Variants in CSF1R observed in about 807,000 individuals in gnomAD.
CSF1R encodes the protein colony stimulating factor 1 receptor, also known as macrophage colony-stimulating factor 1 receptor.
Under a neutral mutation model 110.0 loss-of-function variants are expected in CSF1R, and 40 were observed. That is an observed-to-expected ratio of 0.36 (90% confidence interval 0.28 to 0.47). CSF1R has a LOEUF of 0.47. Among genes scored for constraint, CSF1R ranks in the 20% least tolerant of loss-of-function variants. The probability of loss-of-function intolerance (pLI) is 0.99; values close to 1 mark genes in which losing one functional copy is unlikely to be tolerated. For missense variants in CSF1R, 1,052 were observed against 1,253.0 expected (o/e 0.84, Z 2.42); for synonymous variants, 523 against 503.4 (o/e 1.04, Z -0.52).
At chr5:150,077,726 C>T (rs549915947) in intron 4 of CSF1R, among the ~76,000 whole-genome samples, 13 of 152,252 alleles carry the variant, frequency 8.5e-5, no homozygotes, top group African/African-American at 3.1e-4. Flanking sequence ...CCTCCCTCCT[C>T]CTCCCTCTCT....
Position 150,054,185 on chromosome 5 carries a change from T to C in CSF1R, c.2803A>G (p.Ser935Gly), listed in dbSNP as rs140118369. 2.4e-5 allele frequency: 39 copies of C among 1,612,098 alleles called. No individual in the cohort carries two copies. The highest frequency in any genetic ancestry group is 3.2e-5 in the Non-Finnish European group (38 of 1,178,856). ...TCCAGCTCACTGCTGCTGCTGCCGC[T>C]GCCACCGCTTCTGCTGCTGCTCGGC... The part of the protein sequence containing the change: ...NLPSSSRSGG[S>G]GSSSSELEEE... The change falls in exon 21 of 21, where the codon AGC becomes GGC. Residue 935 changes from serine to glycine, a missense_variant. Physicochemically the swap from Ser to Gly is moderately conservative, Grantham distance 56. Around this residue, in one of 5 missense-constraint regions of CSF1R, gnomAD observed 85 missense variants for 78.8 expected, o/e 1.08. Transcript: ENST00000675795.
intron 3 of CSF1R, 45 bp downstream of exon 3, chr5:150,080,007 T>TC (rs1758454223): frequency 6.3e-7 from 1 of 1,588,940 alleles, no homozygotes. Context: ...CGGCTCTCTG[T>TC]CCCCACTCTT....
At position 150,054,182 on chromosome 5, in the gene CSF1R, CGCTGCCACCGCTTCTGCTGCT is replaced by C. The variant is rs773685033; in HGVS notation, c.2785_2805del (p.Ser929_Ser935del). 298 of 1,612,278 alleles carry C rather than the reference CGCTGCCACCGCTTCTGCTGCT, an allele frequency of 1.8e-4. No homozygotes were observed. Among genetic ancestry groups the C allele is most frequent in the Non-Finnish European group, 2.4e-4 (279 of 1,179,302 alleles). Reference sequence around the variant, plus strand: ...TCCTCCAGCTCACTGCTGCTGCTGCCGCTGCCACCGCTTCTGCTGCTGCTCGGCAGATTGGTATAGTCCTGA... The same window carrying C: ...TCCTCCAGCTCACTGCTGCTGCTGCCGCTCGGCAGATTGGTATAGTCCTGA... On this transcript the variant is annotated inframe_deletion, in exon 21 of 21. Coordinates refer to ENST00000675795, the MANE Select transcript of CSF1R (RefSeq NM_001288705.3).
chr5:150,065,310 G>A (rs1720888584), intron 10 of CSF1R, among the ~76,000 whole-genome samples: 1 of 152,152 alleles, frequency 6.6e-6, no homozygotes, highest in South Asian at 2.1e-4. Context: ...GCTCCTCAGA[G>A]CTCAGTTCCA....
intron 1 of CSF1R, among the ~76,000 whole-genome samples, chr5:150,100,967 C>T (rs1759385782): frequency 1.3e-5 from 2 of 152,084 alleles, no homozygotes; most frequent in Admixed American, 1.3e-4. Flanking sequence ...TGGTTTGTCT[C>T]TCCCCTCTTT....
At position 150,075,021 on chromosome 5, in the gene CSF1R, T is replaced by C. The variant is rs931225463; in HGVS notation, c.890-1528A>G. Among the ~76,000 whole-genome samples the C allele has an allele frequency of 3.9e-5, 6 of 152,192 alleles. No individual in the cohort carries two copies. The East Asian group carries it at 1.2e-3, about 29-fold the overall frequency. Reference sequence around the variant, plus strand: ...AGATTCACCCCCATGAGGGAGTCTCTACTCAGTGCTCCAGGACACAGGAAC... The same window carrying C: ...AGATTCACCCCCATGAGGGAGTCTCCACTCAGTGCTCCAGGACACAGGAAC... On this transcript the variant is annotated intron_variant, in intron 5 of 20. Transcript: ENST00000675795.
rs373427460 is a variant in CSF1R, at chr5:150,057,527, G to A, written c.2198C>T (p.Ser733Leu). ...YVEMRPVSTS[S>L]NDSFSEQDLD... ...ACCTTGCTCAGAGAAGGAGTCATTT[G>A]AAGAAGTGGAGACAGGCCTCATCTC... is the stretch of plus-strand genomic sequence containing the variant. Residue 733 changes from serine (S) to leucine (L), a missense_variant, in exon 15 of 21, where the codon TCA (serine) becomes TTA (leucine). Ser to Leu is a moderately radical substitution (Grantham distance 145, BLOSUM62 -2). Transcript: ENST00000675795. 6.2e-7 allele frequency: 1 copy of A among 1,614,070 alleles called. No homozygotes were observed. Among genetic ancestry groups the A allele is most frequent in the Non-Finnish European group, 8.5e-7 (1 of 1,180,028 alleles).
chr5:150,093,266 A>G (rs750677584), intron 1 of CSF1R, among the ~76,000 whole-genome samples: 23 of 152,070 alleles, frequency 1.5e-4, no homozygotes, highest in Non-Finnish European at 2.6e-4. Context: ...TTTAGTAGAG[A>G]CAGGGTTTCA....
In CSF1R at chr5:150,053,694, G is replaced by T; in HGVS notation, c.*375C>A. Reference sequence around the variant, plus strand: ...AGTCTGTCTAGCCCCAAAGAGCCTGGTTTTCTCAGTATCAGTGTAGCTCCT... The same window carrying T: ...AGTCTGTCTAGCCCCAAAGAGCCTGTTTTTCTCAGTATCAGTGTAGCTCCT... On this transcript the variant is annotated 3_prime_UTR_variant, in exon 21 of 21. Transcript: ENST00000675795. The T allele has an allele frequency of 2.9e-6, 1 of 341,480 alleles. No homozygotes were observed. Among genetic ancestry groups the T allele is most frequent in the South Asian group, 4.2e-5 (1 of 23,892 alleles). 21.2% of individuals were successfully genotyped at this position (341,480 alleles called of 1,614,324 possible). A position where few individuals can be genotyped will look rare whatever the true frequency, so the allele number is the denominator to read the frequency against.
rs148727692 is a variant in CSF1R at position 150,080,989 on chromosome 5, C to G, written c.85G>C (p.Glu29Gln). 1 of 1,613,886 alleles carries G rather than the reference C, an allele frequency of 6.2e-7. No homozygotes were observed. The highest frequency in any genetic ancestry group is 1.3e-5 in the African/African-American group (1 of 74,918). The change falls in exon 2 of 21, where the codon GAG becomes CAG. Residue 29 changes from glutamate (E) to glutamine (Q), a missense_variant. Transcript: ENST00000675795. ...GIPVIEPSVPELVVKPGATVT... is the reference protein window; with the variant it reads ...GIPVIEPSVPQLVVKPGATVT... ...GTTGCTCCTGGCTTCACGACCAGCT[C>G]AGGGACACTGGGCTCTATCACTGGG...
At chr5:150,098,057 CAGAAT>C (rs1759281160) in intron 1 of CSF1R, among the ~76,000 whole-genome samples, 1 of 152,116 alleles carries the variant, frequency 6.6e-6, no homozygotes, top group African/African-American at 2.4e-5. Context: ...ATCAATGGAA[CAGAAT>C]AGAGTCCAGA....
At position 150,057,521 on chromosome 5, in the gene CSF1R, T is replaced by A; in HGVS notation, c.2204A>T (p.Asp735Val). ...CTCCTCACCTTGCTCAGAGAAGGAGTCATTTGAAGAAGTGGAGACAGGCCT... is the reference window on the plus strand; with the variant it reads ...CTCCTCACCTTGCTCAGAGAAGGAGACATTTGAAGAAGTGGAGACAGGCCT... ...EMRPVSTSSN[D>V]SFSEQDLDKE... is the part of the protein sequence containing the mutation. The change falls in exon 15 of 21, where the codon GAC (aspartate) becomes GTC (valine). Residue 735 changes from aspartate (D) to valine (V), a missense_variant. Transcript: ENST00000675795. 6.2e-7 allele frequency: 1 copy of A among 1,612,912 alleles called. No homozygotes were observed. The highest frequency in any genetic ancestry group is 8.5e-7 in the Non-Finnish European group (1 of 1,179,750).
intron 1 of CSF1R, among the ~76,000 whole-genome samples, chr5:150,085,541 C>G (rs969136151): frequency 2.6e-5 from 4 of 152,110 alleles, no homozygotes; most frequent in African/African-American, 4.8e-5. Context: ...TAGTCATGTT[C>G]CCTCCCAGAT....
rs1759630329 is a variant in CSF1R at position 150,108,971 on chromosome 5, T to C, written c.-181+4290A>G. ...GGCCAATGGTCCCTCGCCAGACCCCTACACAGTGGTGGCAGATTTTCTTCC... is the reference window on the plus strand; with the variant it reads ...GGCCAATGGTCCCTCGCCAGACCCCCACACAGTGGTGGCAGATTTTCTTCC... On this transcript the variant is annotated intron_variant, in intron 1 of 21. Coordinates refer to the CSF1R transcript ENST00000286301. 2.0e-5 allele frequency among the ~76,000 whole-genome samples: 3 copies of C among 151,662 alleles called. No individual in the cohort carries two copies. The South Asian group carries it at 6.2e-4, about 31-fold the overall frequency.
intron 5 of CSF1R, chr5:150,076,890 G>A (rs2113822818): frequency 7.1e-6 from 2 of 281,438 alleles, no homozygotes; most frequent in South Asian, 7.6e-5. Flanking sequence ...ACTCTTCAGT[G>A]TTCCCAGGAC....
At chr5:150,080,406 G>A in intron 2 of CSF1R, 70 bp from the exon 3 acceptor site, 1 of 1,550,370 alleles carries the variant, frequency 6.5e-7, no homozygotes, top group African/African-American at 1.4e-5. Context: ...CTGGACATAG[G>A]TGACAAGGAA....
intron 19 of CSF1R, chr5:150,054,854 G>A: frequency 8.3e-6 from 2 of 241,112 alleles, no homozygotes; most frequent in South Asian, 7.5e-5. Flanking sequence ...GCTGGGCTTG[G>A]TGGTGCACAC....
At chr5:150,074,885 A>T (rs1758196157) in intron 5 of CSF1R, among the ~76,000 whole-genome samples, 1 of 152,052 alleles carries the variant, frequency 6.6e-6, no homozygotes, top group Non-Finnish European at 1.5e-5. Flanking sequence ...GTCTCCTAAC[A>T]TCCCTGAACA....
chr5:150,108,353 C>T (rs1759614864), intron 1 of CSF1R, among the ~76,000 whole-genome samples: 1 of 151,780 alleles, frequency 6.6e-6, no homozygotes, highest in African/African-American at 2.4e-5. Context: ...ACGGTAGCAC[C>T]AAAAAAAGGG....
Sources: allele counts gnomAD v4.1 joint callset (sites outside exome capture counted in the v4.1 genomes callset), GRCh38; gene constraint gnomAD v4.1.1; regional missense constraint gnomAD v4.1.1; transcripts MANE v1.5; gene names NCBI Gene and HGNC (gene_info 2026-07-23, HGNC 2026-07-21).